MAPK6: variants seen among roughly 807,000 people sequenced by gnomAD.
The protein encoded by MAPK6 is ERK-3.
MAPK6 carries 19 observed loss-of-function variants against 59.3 expected under a neutral mutation model. The ratio of observed to expected loss-of-function variants is 0.32; its 90% CI spans 0.22 to 0.47. The LOEUF is 0.47. MAPK6 is among the 20% of genes least tolerant of loss of function. The pLI is 1.00. For synonymous variants in MAPK6, 316 were observed against 290.3 expected (o/e 1.09, Z -0.90); for missense variants, 724 against 847.9 (o/e 0.85, Z 1.81).
chr15:51,987,075 GA>G (rs1161740086), intron 2 of MAPK6, among the ~76,000 whole-genome samples: 3 of 152,206 alleles, frequency 2.0e-5, no homozygotes, highest in South Asian at 4.1e-4. Context: ...CATATGCACA[GA>G]AAAAAATCTG....
intron 1 of MAPK6, among the ~76,000 whole-genome samples, chr15:51,976,406 C>T (rs1460385985): frequency 6.6e-6 from 1 of 151,156 alleles, no homozygotes; most frequent in Non-Finnish European, 1.5e-5. Flanking sequence ...AATGAAGTGA[C>T]CAGAGGGAAC....
chr15:51,974,333 T>A (rs1378684633), intron 1 of MAPK6, among the ~76,000 whole-genome samples: 1 of 151,576 alleles, frequency 6.6e-6, no homozygotes, highest in African/African-American at 2.4e-5. Flanking sequence ...ATTTGGTTTG[T>A]GTTCAACTAA....
At chr15:52,018,015 C>T (rs1002791553), upstream of MAPK6, 1 of 152,138 alleles carries the variant, frequency 6.6e-6, no homozygotes. Context: ...TCACCCCAAC[C>T]ACTTAACTTC....
intron 1 of MAPK6, chr15:52,027,518 T>G (rs1595981899): frequency 6.6e-6 from 1 of 151,656 alleles, no homozygotes; most frequent in East Asian, 1.9e-4. Context: ...TCTCTACCCG[T>G]TACTGTAATT....
intron 1 of MAPK6, chr15:52,033,801 T>A (rs2031136056): frequency 6.6e-6 from 1 of 152,070 alleles, no homozygotes; most frequent in South Asian, 2.1e-4. Context: ...TTTATTTTAT[T>A]TTTTCCTTAT....
chr15:51,989,126 C>A (rs2057200587), intron 2 of MAPK6, among the ~76,000 whole-genome samples: 1 of 146,758 alleles, frequency 6.8e-6, no homozygotes, highest in Non-Finnish European at 1.5e-5. Flanking sequence ...GTTGCCTAGG[C>A]TGGAGTACAA....
chr15:51,990,629 A>G (rs2057205063), intron 2 of MAPK6, among the ~76,000 whole-genome samples: 1 of 152,040 alleles, frequency 6.6e-6, no homozygotes, highest in Admixed American at 6.6e-5. Context: ...CAGCCTGACC[A>G]ACATGGAGAA....
chr15:52,026,507 G>A (rs1346588821), intron 1 of MAPK6, among the ~76,000 whole-genome samples: 7 of 152,038 alleles, frequency 4.6e-5, no homozygotes. Context: ...GGCCAGGCTG[G>A]TCTTGAACTC....
chr15:52,007,903 A>G (rs559545708), intron 3 of MAPK6, among the ~76,000 whole-genome samples: 10 of 150,436 alleles, frequency 6.6e-5, no homozygotes, highest in Middle Eastern at 3.4e-3. Flanking sequence ...CTGGAGTGCA[A>G]TGGTGTGATC....
rs545834817 is a variant in MAPK6 at position 52,058,768 on chromosome 15, C to T, written c.836C>T (p.Thr279Ile). Reference protein sequence around the residue: ...NDMTEPHKPLTQLLPGISREA... With the variant: ...NDMTEPHKPLIQLLPGISREA... ...ATGACTGAGCCACACAAACCTTTAACTCAGCTGCTTCCAGGAATTAGTCGA... is the reference window on the plus strand; with the variant it reads ...ATGACTGAGCCACACAAACCTTTAATTCAGCTGCTTCCAGGAATTAGTCGA... The change falls in exon 4 of 6, where the codon ACT (threonine) becomes ATT (isoleucine). Residue 279 changes from threonine (T) to isoleucine (I), a missense_variant. By Grantham distance (89) the Thr-to-Ile change is moderately conservative (BLOSUM62 -1). This residue lies in a region of MAPK6 where 502 missense variants were observed against 507.6 expected (regional missense o/e 0.99). Coordinates refer to ENST00000261845, the MANE Select transcript of MAPK6 (RefSeq NM_002748.4). 6.2e-7 allele frequency: 1 copy of T among 1,612,516 alleles called. No individual in the cohort carries two copies. The highest frequency in any genetic ancestry group is 1.7e-5 in the Admixed American group (1 of 59,768).
At chr15:52,021,235 A>G (rs2030514168) in intron 1 of MAPK6, among the ~76,000 whole-genome samples, 1 of 152,192 alleles carries the variant, frequency 6.6e-6, no homozygotes, top group South Asian at 2.1e-4. Flanking sequence ...CTGACAAAAT[A>G]GTAAGGTTTG....
chr15:52,024,496 G>A (rs1713071484), intron 1 of MAPK6: 1 of 151,926 alleles, frequency 6.6e-6, no homozygotes, highest in Non-Finnish European at 1.5e-5. Flanking sequence ...CGCCTCCTGG[G>A]TTCACGCCAT....
At chr15:52,022,193 C>T (rs2030562693) in intron 1 of MAPK6, among the ~76,000 whole-genome samples, 1 of 152,164 alleles carries the variant, frequency 6.6e-6, no homozygotes, top group Non-Finnish European at 1.5e-5. Flanking sequence ...TTTCCCACCC[C>T]ATCCTCTGGT....
chr15:52,010,417 G>A (rs2030019666), intron 3 of MAPK6, among the ~76,000 whole-genome samples: 1 of 150,360 alleles, frequency 6.7e-6, no homozygotes, highest in Non-Finnish European at 1.5e-5. Context: ...GTTTCTCCAT[G>A]TTGGTCAGGC....
chr15:52,032,761 T>A (rs763579761), intron 1 of MAPK6, among the ~76,000 whole-genome samples: 7 of 152,198 alleles, frequency 4.6e-5, no homozygotes, highest in Non-Finnish European at 4.4e-5. Context: ...CTCGGCTCAC[T>A]GCAACCTCCG....
chr15:51,980,685 G>T (rs956126646), intron 1 of MAPK6, among the ~76,000 whole-genome samples: 3 of 150,940 alleles, frequency 2.0e-5, no homozygotes, highest in Non-Finnish European at 4.4e-5. Context: ...CCACCTCCTG[G>T]GTTCAAGCGA....
chr15:52,027,349 C>CAAAAAAAAAAA (rs71130120), intron 1 of MAPK6, among the ~76,000 whole-genome samples: 740 of 48,820 alleles, frequency 0.015, 80 homozygotes, highest in East Asian at 0.066. Context: ...GACTCCCTCT[C>CAAAAAAAAAAA]AAAAAAAAAA....
chr15:52,004,432 T>C (rs924653303), intron 3 of MAPK6: 2 of 152,316 alleles, frequency 1.3e-5, no homozygotes, highest in African/African-American at 4.8e-5. Context: ...ATTATAGCGG[T>C]TGTTGGTATC....
intron 1 of MAPK6, chr15:52,034,052 C>T (rs1247747821): frequency 3.3e-5 from 5 of 150,696 alleles, no homozygotes; most frequent in Non-Finnish European, 5.9e-5. Flanking sequence ...GTGGTGTGAT[C>T]TCGGCTCACT....
Sources: gnomAD v4.1 joint callset for allele counts (sites outside exome capture counted in the v4.1 genomes callset) on GRCh38, gnomAD v4.1.1 for gene constraint, gnomAD v4.1.1 regional missense constraint, MANE v1.5 for transcripts, NCBI Gene and HGNC (gene_info 2026-07-23, HGNC 2026-07-21) for gene names.